The following PNLIPRP3 variants were observed in gnomAD, a reference collection of about 807,000 sequenced individuals.
The protein encoded by PNLIPRP3 is pancreatic lipase-related protein 3.
A neutral mutation model predicts 52.8 loss-of-function variants in PNLIPRP3; 58 were observed. The observed-to-expected ratio is 1.10, with a 90% CI of 0.89 to 1.37. The LOEUF is 1.37. PNLIPRP3 is among the 40% of genes most tolerant of loss of function. The probability of loss-of-function intolerance (pLI) is 0.00; values close to 1 mark genes in which losing one functional copy is unlikely to be tolerated. For synonymous variants in PNLIPRP3, 192 were observed against 185.0 expected, an observed-to-expected ratio of 1.04 and a Z score of -0.31; for missense variants, 593 against 561.6, an observed-to-expected ratio of 1.06 and a Z score of -0.57.
chr10:116,437,848 G>A (rs922715501), intron 2 of PNLIPRP3, among the ~76,000 whole-genome samples: 7 of 152,120 alleles, frequency 4.6e-5, no homozygotes, highest in African/African-American at 1.7e-4. Context: ...AGCCACATGT[G>A]GCTAGTGGCT....
intron 2 of PNLIPRP3, among the ~76,000 whole-genome samples, chr10:116,441,016 C>T (rs41350344): frequency 0.045 from 6,845 of 152,226 alleles, 401 homozygotes; most frequent in East Asian, 0.22. Flanking sequence ...CCCTTCCTCT[C>T]GATAACCTAT....
chr10:116,477,213 C>T lies in PNLIPRP3; in HGVS notation c.*60C>T. ...GAGCAATGAAGAAAAGTGTCTCCTTCCACCTGGCATCCAGACCAAATTTGA... is the reference window on the plus strand; with the variant it reads ...GAGCAATGAAGAAAAGTGTCTCCTTTCACCTGGCATCCAGACCAAATTTGA... On this transcript the variant is annotated 3_prime_UTR_variant, in exon 12 of 12. Coordinates refer to ENST00000369230, the MANE Select transcript of PNLIPRP3 (RefSeq NM_001011709.3). 2 of 1,416,054 alleles carry T rather than the reference C, an allele frequency of 1.4e-6. No individual in the cohort carries two copies. The highest frequency in any genetic ancestry group is 1.9e-5 in the Admixed American group (1 of 52,838). The allele number at this position is 1,416,054 out of a possible 1,614,324, so 87.7% of individuals were successfully genotyped here.
chr10:116,461,121 A>G (rs781085047), intron 6 of PNLIPRP3, 36 bp downstream of exon 6: 4 of 1,614,160 alleles, frequency 2.5e-6, no homozygotes, highest in Non-Finnish European at 3.4e-6. Context: ...TCATTGAAGC[A>G]TAGAGGAGAT....
At chr10:116,474,394 G>C (rs982709607) in intron 10 of PNLIPRP3, among the ~76,000 whole-genome samples, 1 of 152,206 alleles carries the variant, frequency 6.6e-6, no homozygotes, top group Non-Finnish European at 1.5e-5. Context: ...CACAGGCAAA[G>C]ATTTCATGAT....
In PNLIPRP3 at chr10:116,477,328, G is replaced by T. The variant is rs1846489912; in HGVS notation, c.*175G>T. 1.5e-5 allele frequency: 7 copies of T among 463,850 alleles called. No individual in the cohort carries two copies. Among genetic ancestry groups the T allele is most frequent in the Middle Eastern group, 8.4e-4 (2 of 2,386 alleles). The allele number at this position is 463,850 out of a possible 1,614,324, so 28.7% of individuals were successfully genotyped here. On this transcript the variant is annotated 3_prime_UTR_variant, in exon 12 of 12. Coordinates refer to ENST00000369230, the MANE Select transcript of PNLIPRP3 (RefSeq NM_001011709.3). ...TTCTGTGTAGAATGTTCATCTAACT[G>T]CACCTTAAAAACACACTGAACCCTG...
intron 4 of PNLIPRP3, among the ~76,000 whole-genome samples, chr10:116,452,627 A>G (rs1180667280): frequency 6.6e-6 from 1 of 152,176 alleles, no homozygotes; most frequent in Non-Finnish European, 1.5e-5. Flanking sequence ...TGCTCCCTGC[A>G]TCCCAGCTGC....
Position 116,476,718 on chromosome 10 carries a change from T to G in PNLIPRP3, c.1239T>G (p.Ile413Met), listed in dbSNP as rs1255415660. ...LIDADVNVGN[I>M]TSVQFIWKKH... The stretch of plus-strand genomic sequence containing the variant: ...ATGCAGATGTTAACGTTGGAAACAT[T>G]ACAAGTGTTCAGTTCATCTGGAAAA... Residue 413 changes from isoleucine (I) to methionine (M), a missense_variant, in exon 11 of 12, where the codon ATT (isoleucine) becomes ATG (methionine). Transcript: ENST00000369230. 1 of 1,608,696 alleles carries G rather than the reference T, an allele frequency of 6.2e-7. No individual in the cohort carries two copies. Among genetic ancestry groups the G allele is most frequent in the Non-Finnish European group, 8.5e-7 (1 of 1,177,944 alleles).
At chr10:116,465,068 A>G (rs1027315182) in intron 7 of PNLIPRP3, among the ~76,000 whole-genome samples, 3 of 152,178 alleles carry the variant, frequency 2.0e-5, no homozygotes, top group African/African-American at 7.2e-5. Context: ...GAGTGACCAA[A>G]CAGCTCTTGG....
intron 4 of PNLIPRP3, among the ~76,000 whole-genome samples, chr10:116,445,202 C>T (rs981241975): frequency 9.9e-5 from 15 of 152,148 alleles, no homozygotes; most frequent in African/African-American, 3.4e-4. Flanking sequence ...GTAAGTAAGA[C>T]AGTGTTTCTG....
At chr10:116,446,115 G>C (rs907397389) in intron 4 of PNLIPRP3, among the ~76,000 whole-genome samples, 1 of 152,122 alleles carries the variant, frequency 6.6e-6, no homozygotes. Flanking sequence ...GGGAGGCCAA[G>C]GCGGGTAGAT....
intron 7 of PNLIPRP3, among the ~76,000 whole-genome samples, chr10:116,464,519 G>A (rs1423503132): frequency 1.3e-5 from 2 of 152,202 alleles, no homozygotes; most frequent in Non-Finnish European, 2.9e-5. Flanking sequence ...GGGTGAGCCA[G>A]GCATGCCCAC....
chr10:116,431,986 A>G lies in PNLIPRP3; in HGVS notation c.49+3925A>G, dbSNP rs561453912. 2.0e-5 allele frequency among the ~76,000 whole-genome samples: 3 copies of G among 152,096 alleles called. No individual in the cohort carries two copies. In the South Asian group the frequency reaches 6.2e-4, roughly 32 times the overall value. On this transcript the variant is annotated intron_variant, in intron 1 of 11. Coordinates refer to ENST00000369230, the MANE Select transcript of PNLIPRP3 (RefSeq NM_001011709.3). ...AAACTGCAAACCCCTCCTCACCTAA[A>G]CACACAAACACCCTCATCCCTTCCC...
intron 9 of PNLIPRP3, among the ~76,000 whole-genome samples, chr10:116,470,122 C>T (rs1350740156): frequency 5.3e-5 from 8 of 151,806 alleles, no homozygotes; most frequent in Non-Finnish European, 1.0e-4. Context: ...CTGAGCTTGA[C>T]GACACAGGAA....
At chr10:116,444,351 T>C (rs1390864604) in intron 3 of PNLIPRP3, 31 bp from the exon 4 acceptor site, 1 of 1,538,410 alleles carries the variant, frequency 6.5e-7, no homozygotes, top group Non-Finnish European at 8.8e-7. Context: ...AACACTTATT[T>C]ATTTAATATT....
rs1179566429 is a variant in PNLIPRP3, at chr10:116,468,248, T to C, written c.928-937T>C. Among the ~76,000 whole-genome samples the C allele has an allele frequency of 2.0e-5, 3 of 149,156 alleles. No individual in the cohort carries two copies. The East Asian group carries it at 6.1e-4, about 30-fold the overall frequency. ...CAACAGAAGTGAAATTATCAAAGCA[T>C]ACATGCATTTCCTTCTTTATTAGAC... On this transcript the variant is annotated intron_variant, in intron 8 of 11. Coordinates refer to ENST00000369230, the MANE Select transcript of PNLIPRP3 (RefSeq NM_001011709.3).
At chr10:116,462,157 T>C (rs1846201614) in intron 7 of PNLIPRP3, among the ~76,000 whole-genome samples, 1 of 152,274 alleles carries the variant, frequency 6.6e-6, no homozygotes, top group Non-Finnish European at 1.5e-5. Context: ...AAACAAGTAG[T>C]ATTTAACTTT....
At chr10:116,476,572 G>C (rs1846469744) in intron 10 of PNLIPRP3, 80 bp from the exon 11 acceptor site, 2 of 1,142,344 alleles carry the variant, frequency 1.8e-6, no homozygotes, top group Non-Finnish European at 2.5e-6. Context: ...CTCTTCCATA[G>C]TGCATACACA....
In PNLIPRP3 at chr10:116,477,892, G is replaced by C. The variant is rs1266997337; in HGVS notation, c.*739G>C. Reference sequence around the variant, plus strand: ...TGAATTTGTATTTAGCCTCAAGGCAGCATTTCATTTGTAAAGCACTTGGGT... The same window carrying C: ...TGAATTTGTATTTAGCCTCAAGGCACCATTTCATTTGTAAAGCACTTGGGT... On this transcript the variant is annotated 3_prime_UTR_variant, in exon 12 of 12. Coordinates refer to ENST00000369230, the MANE Select transcript of PNLIPRP3 (RefSeq NM_001011709.3). The C allele has an allele frequency of 6.6e-6, 1 of 152,172 alleles. No homozygotes were observed. Among genetic ancestry groups the C allele is most frequent in the Non-Finnish European group, 1.5e-5 (1 of 68,038 alleles). 9.4% of individuals were successfully genotyped at this position (152,172 alleles called of 1,614,324 possible). A position where few individuals can be genotyped will look rare whatever the true frequency, so the allele number is the denominator to read the frequency against.
intron 1 of PNLIPRP3, among the ~76,000 whole-genome samples, chr10:116,434,313 C>G (rs1845747747): frequency 6.6e-6 from 1 of 152,026 alleles, no homozygotes; most frequent in African/African-American, 2.4e-5. Context: ...TTACTTTTTT[C>G]CATTACAGAT....
Sources: allele counts gnomAD v4.1 joint callset (sites outside exome capture counted in the v4.1 genomes callset), GRCh38; gene constraint gnomAD v4.1.1; transcripts MANE v1.5; gene names NCBI Gene and HGNC (gene_info 2026-07-23, HGNC 2026-07-21).